Variants in UST observed in about 807,000 individuals in gnomAD.
UST encodes the protein uronyl 2-sulfotransferase.
A neutral mutation model predicts 45.6 loss-of-function variants in UST; 21 were observed. The observed-to-expected ratio is 0.46, with a 90% CI of 0.33 to 0.66. The LOEUF is 0.66. UST is among the 30% of genes least tolerant of loss of function. The pLI is 0.02. For synonymous variants in UST, 215 were observed against 200.6 expected (o/e 1.07, Z -0.61); for missense variants, 463 against 512.4 (o/e 0.90, Z 0.93).
At chr6:148,995,955 A>T (rs957056104) in intron 5 of UST, among the ~76,000 whole-genome samples, 1 of 152,210 alleles carries the variant, frequency 6.6e-6, no homozygotes, top group Non-Finnish European at 1.5e-5. Flanking sequence ...TTGCTGTCCC[A>T]GCTCTGGAGC....
intron 5 of UST, among the ~76,000 whole-genome samples, chr6:148,966,092 C>G (rs1170170386): frequency 6.6e-6 from 1 of 151,752 alleles, no homozygotes; most frequent in East Asian, 1.9e-4. Context: ...AGCATGGTGG[C>G]GCATGCCTGT....
chr6:148,957,517 ACTGTAACCT>A (rs1462116368), intron 4 of UST, among the ~76,000 whole-genome samples: 3 of 152,112 alleles, frequency 2.0e-5, no homozygotes, highest in Non-Finnish European at 4.4e-5. Context: ...ATCTCAGCTC[ACTGTAACCT>A]CAGTTCAAGC....
At position 148,749,346 on chromosome 6, in the gene UST, G is replaced by A. The variant is rs1204001190; in HGVS notation, c.247+1669G>A. ...CAGGCATTGGGAGGCAAGCGTTGAG[G>A]CTCAGGGTCTTTCTCCATTAAATCT... On this transcript the variant is annotated intron_variant, in intron 1 of 7. Coordinates refer to ENST00000367463, the MANE Select transcript of UST (RefSeq NM_005715.3). 2.0e-5 allele frequency among the ~76,000 whole-genome samples: 3 copies of A among 152,312 alleles called. No individual in the cohort carries two copies. In the East Asian group the frequency reaches 5.8e-4, roughly 29 times the overall value.
intron 7 of UST, among the ~76,000 whole-genome samples, chr6:149,029,866 T>TTGTG (rs3074362): frequency 0.036 from 5,024 of 140,746 alleles, 113 homozygotes; most frequent in Admixed American, 0.061. Context: ...GCACTGGATC[T>TTGTG]TGTGTGTGTG....
At chr6:148,858,169 A>G (rs1778241308) in intron 1 of UST, among the ~76,000 whole-genome samples, 2 of 152,202 alleles carry the variant, frequency 1.3e-5, no homozygotes, top group Non-Finnish European at 2.9e-5. Context: ...CACAAGGTGA[A>G]GTGCCACAGC....
chr6:148,952,886 AAGTT>A (rs1263761517), intron 3 of UST, among the ~76,000 whole-genome samples: 1 of 152,224 alleles, frequency 6.6e-6, no homozygotes, highest in Non-Finnish European at 1.5e-5. Flanking sequence ...GAAGTTCAGA[AAGTT>A]AGGGAGTCAT....
chr6:149,005,037 T>C (rs1403059528), intron 5 of UST, among the ~76,000 whole-genome samples: 1 of 151,756 alleles, frequency 6.6e-6, no homozygotes, highest in African/African-American at 2.4e-5. Flanking sequence ...TAGAGACAAC[T>C]TTTTGTTGCC....
At chr6:148,824,674 C>CTTTTTTTTTTT (rs535345402) in intron 1 of UST, among the ~76,000 whole-genome samples, 3 of 133,376 alleles carry the variant, frequency 2.2e-5, no homozygotes, top group Non-Finnish European at 1.6e-5. Flanking sequence ...TATTTTCTTT[C>CTTTTTTTTTTT]TTTTTTTTTT....
chr6:149,041,369 C>T (rs769858203), intron 7 of UST, among the ~76,000 whole-genome samples: 1 of 152,202 alleles, frequency 6.6e-6, no homozygotes, highest in Non-Finnish European at 1.5e-5. Context: ...TGCAGGAGAG[C>T]AGAGGGCAAA....
chr6:148,999,157 A>T (rs1320622006), intron 5 of UST, among the ~76,000 whole-genome samples: 2 of 152,234 alleles, frequency 1.3e-5, no homozygotes, highest in Non-Finnish European at 2.9e-5. Flanking sequence ...ACACTTAAGT[A>T]CTTTTTGTTC....
At chr6:149,070,987 C>T (rs577904335) in intron 7 of UST, among the ~76,000 whole-genome samples, 25 of 152,188 alleles carry the variant, frequency 1.6e-4, no homozygotes, top group African/African-American at 6.0e-4. Flanking sequence ...TGGATGGTCT[C>T]GATCTCTTGG....
chr6:148,987,838 C>G lies in UST; in HGVS notation c.681+23275C>G, dbSNP rs560383792. Among the ~76,000 whole-genome samples the G allele has an allele frequency of 2.6e-5, 4 of 152,116 alleles. No homozygotes were observed. The East Asian group carries it at 7.8e-4, about 30-fold the overall frequency. Reference sequence around the variant, plus strand: ...CGCCAAAACTCTTGATCTTCTTCATCATGTGCTTTCATTCATCAGACGTGT... The same window carrying G: ...CGCCAAAACTCTTGATCTTCTTCATGATGTGCTTTCATTCATCAGACGTGT... On this transcript the variant is annotated intron_variant, in intron 5 of 7. Transcript: ENST00000367463.
At chr6:148,967,702 C>T (rs750032538) in intron 5 of UST, among the ~76,000 whole-genome samples, 4 of 152,162 alleles carry the variant, frequency 2.6e-5, no homozygotes, top group Non-Finnish European at 4.4e-5. Context: ...CCCTGCACAC[C>T]GCATGCCCAC....
intron 7 of UST, among the ~76,000 whole-genome samples, chr6:149,063,580 C>G (rs990405078): frequency 4.6e-5 from 7 of 152,162 alleles, no homozygotes; most frequent in Admixed American, 1.3e-4. Flanking sequence ...CTGCTTCTCG[C>G]TAAGGACCCA....
At chr6:148,893,601 C>T (rs1779059713) in intron 2 of UST, among the ~76,000 whole-genome samples, 1 of 152,220 alleles carries the variant, frequency 6.6e-6, no homozygotes, top group Non-Finnish European at 1.5e-5. Flanking sequence ...GTTTACTATG[C>T]ATCAAATTTG....
Position 148,748,362 on chromosome 6 carries a change from C to T in UST, c.247+685C>T, listed in dbSNP as rs1316322353. The stretch of plus-strand genomic sequence containing the variant: ...GTGTCGCCCCCAGTAACCCGAGGAT[C>T]CTCGGCGCTGTGTGCGTCTCAAGCT... On this transcript the variant is annotated intron_variant, in intron 1 of 7. Coordinates refer to ENST00000367463, the MANE Select transcript of UST (RefSeq NM_005715.3). This position sits in a 1 kb window ranked among gnomAD's most constrained non-coding sequence, Gnocchi z 5.3. 6.6e-6 allele frequency among the ~76,000 whole-genome samples: 1 copy of T among 150,484 alleles called. No homozygotes were observed. The highest frequency in any genetic ancestry group is 1.5e-5 in the Non-Finnish European group (1 of 67,840).
chr6:149,018,832 G>A (rs1180906338), intron 5 of UST, among the ~76,000 whole-genome samples: 1 of 152,160 alleles, frequency 6.6e-6, no homozygotes. Flanking sequence ...ACGAAGCACA[G>A]TGGGTACCAC....
chr6:148,966,591 G>A (rs188061308), intron 5 of UST, among the ~76,000 whole-genome samples: 8 of 152,292 alleles, frequency 5.3e-5, no homozygotes, highest in Non-Finnish European at 8.8e-5. Context: ...AGCTTCTTCC[G>A]TTCTGTCAAG....
At chr6:148,751,965 T>G (rs1019633376) in intron 1 of UST, among the ~76,000 whole-genome samples, 10 of 152,232 alleles carry the variant, frequency 6.6e-5, no homozygotes, top group Admixed American at 6.5e-4. Context: ...ACTCTAATGA[T>G]CTATCATCCA....
Sources: allele counts gnomAD v4.1 joint callset (sites outside exome capture counted in the v4.1 genomes callset), GRCh38; gene constraint gnomAD v4.1.1; non-coding constraint Gnocchi (gnomAD v3.1); transcripts MANE v1.5; gene names NCBI Gene and HGNC (gene_info 2026-07-23, HGNC 2026-07-21).